Variants in SH3D21 observed in about 807,000 individuals in gnomAD.
SH3D21 encodes the protein manchette microtubule inner protein 1.
SH3D21 carries 83 observed loss-of-function variants against 82.1 expected under a neutral mutation model. The ratio of observed to expected loss-of-function variants is 1.01; its 90% CI spans 0.85 to 1.21. SH3D21 has a LOEUF of 1.21. Among genes scored for constraint, SH3D21 ranks in the 50% most tolerant of loss-of-function variants. The probability of loss-of-function intolerance (pLI) is 0.00; values close to 1 mark genes in which losing one functional copy is unlikely to be tolerated. For missense variants in SH3D21, 980 were observed against 962.1 expected, an observed-to-expected ratio of 1.02 and a Z score of -0.25; for synonymous variants, 383 against 387.8, an observed-to-expected ratio of 0.99 and a Z score of 0.15.
intron 10 of SH3D21, among the ~76,000 whole-genome samples, chr1:36,310,100 G>T (rs1256883359): frequency 6.6e-6 from 1 of 151,778 alleles, no homozygotes; most frequent in Non-Finnish European, 1.5e-5. Flanking sequence ...GACTACAGGC[G>T]CCCGCCACCA....
At chr1:36,329,812 T>C (rs1404531151), downstream of SH3D21, among the ~76,000 whole-genome samples, 2 of 152,096 alleles carry the variant, frequency 1.3e-5, no homozygotes, top group African/African-American at 4.8e-5. Context: ...CAGGGAGTCA[T>C]GGAAATACCT....
Position 36,308,139 on chromosome 1 carries a change from T to C in SH3D21, c.569T>C (p.Phe190Ser), listed in dbSNP as rs1570372800. ...CACCCTGAGGTCTACAGGGTCCTGT[T>C]TGACTACCAGCCTGAGGCCCCAGAC... is the stretch of plus-strand genomic sequence containing the variant. ...VSHPEVYRVL[F>S]DYQPEAPDEL... is the part of the protein sequence containing the mutation. The change falls in exon 8 of 16, where the codon TTT becomes TCT. Residue 190 changes from phenylalanine to serine, a missense_variant. Transcript: ENST00000453908. 6.5e-7 allele frequency: 1 copy of C among 1,549,836 alleles called. No homozygotes were observed. Among genetic ancestry groups the C allele is most frequent in the Non-Finnish European group, 8.7e-7 (1 of 1,146,172 alleles).
At chr1:36,323,195 G>C (rs1385066122), downstream of SH3D21, 1 of 765,626 alleles carries the variant, frequency 1.3e-6, no homozygotes, top group Non-Finnish European at 2.0e-6. Context: ...CCCTAACTTC[G>C]TGGCGGCCCG....
intron 10 of SH3D21, among the ~76,000 whole-genome samples, chr1:36,310,931 C>T (rs1646227296): frequency 6.6e-6 from 1 of 151,826 alleles, no homozygotes; most frequent in Non-Finnish European, 1.5e-5. Flanking sequence ...TTTATGGAGA[C>T]AGAGTCTCTC....
downstream of SH3D21, among the ~76,000 whole-genome samples, chr1:36,329,550 T>A (rs1162402985): frequency 1.3e-5 from 2 of 152,164 alleles, no homozygotes; most frequent in Non-Finnish European, 2.9e-5. Context: ...CCCTTGTAAC[T>A]GCCAGTCATT....
chr1:36,325,600 AGT>A (rs1365886895), downstream of SH3D21, among the ~76,000 whole-genome samples: 1 of 152,090 alleles, frequency 6.6e-6, no homozygotes, highest in Admixed American at 6.5e-5. Flanking sequence ...GCTGGAGTGC[AGT>A]GGCGCGATCT....
chr1:36,321,488 G>C (rs1169275380), downstream of SH3D21: 2 of 893,912 alleles, frequency 2.2e-6, no homozygotes, highest in Non-Finnish European at 2.9e-6. This position sits in a 1 kb window ranked among gnomAD's most constrained non-coding sequence, Gnocchi z 6.1. Flanking sequence ...GCCCGGCCTA[G>C]ATTCCGGAAT....
In SH3D21 at chr1:36,306,639, G is replaced by C. The variant is rs1203813094; in HGVS notation, c.46G>C (p.Glu16Gln). 5 of 1,301,982 alleles carry C rather than the reference G, an allele frequency of 3.8e-6. No homozygotes were observed. The African/African-American group carries it at 7.6e-5, about 20-fold the overall frequency. The allele number at this position is 1,301,982 out of a possible 1,614,324, so 80.7% of individuals were successfully genotyped here. The change falls in exon 2 of 16, where the codon GAG becomes CAG. Residue 16 changes from glutamate to glutamine, a missense_variant. By Grantham distance (29) the Glu-to-Gln change is conservative. Coordinates refer to ENST00000453908, the MANE Select transcript of SH3D21 (RefSeq NM_001162530.2). This position sits in a 1 kb window ranked among gnomAD's most constrained non-coding sequence, Gnocchi z 4.5. ...LAGYRAQKED[E>Q]LSLAPGDVVR... Reference sequence around the variant, plus strand: ...CGGATACCGCGCGCAGAAGGAGGACGAGCTGAGTCTGGCGCCCGGGGACGT... The same window carrying C: ...CGGATACCGCGCGCAGAAGGAGGACCAGCTGAGTCTGGCGCCCGGGGACGT...
intron 10 of SH3D21, among the ~76,000 whole-genome samples, chr1:36,315,644 C>T (rs1043896335): frequency 5.9e-5 from 9 of 152,112 alleles, no homozygotes; most frequent in East Asian, 3.9e-4. Context: ...CCACTGCACC[C>T]GGCCTGTTGG....
At chr1:36,330,161 C>T (rs1646578433), downstream of SH3D21, among the ~76,000 whole-genome samples, 1 of 152,210 alleles carries the variant, frequency 6.6e-6, no homozygotes. Flanking sequence ...AGCCCTGCTG[C>T]AGTCTGTAAG....
chr1:36,322,726 C>T (rs1426112673), downstream of SH3D21: 7 of 1,546,130 alleles, frequency 4.5e-6, no homozygotes. Context: ...TCGGGGTTGG[C>T]TGCGGGGCAC....
rs1646162587 is a variant in SH3D21, at chr1:36,307,943, C to T, written c.518C>T (p.Pro173Leu). 1.3e-6 allele frequency: 2 copies of T among 1,551,612 alleles called. No individual in the cohort carries two copies. Among genetic ancestry groups the T allele is most frequent in the Non-Finnish European group, 1.7e-6 (2 of 1,147,018 alleles). Residue 173 changes from proline to leucine, a missense_variant, in exon 7 of 16, where the codon CCT becomes CTT. Pro to Leu is a moderately conservative substitution (Grantham distance 98). Transcript: ENST00000453908. This position sits in a 1 kb window ranked among gnomAD's most constrained non-coding sequence, Gnocchi z 5.4. ...CTGAGCAGCCTGGCCTATGACAGCC[C>T]TCCAGACTACCTGCAGACAGGTGAG... Reference protein sequence around the residue: ...PKLSSLAYDSPPDYLQTVSHP... With the variant: ...PKLSSLAYDSLPDYLQTVSHP...
downstream of SH3D21, among the ~76,000 whole-genome samples, chr1:36,325,878 A>T (rs948570608): frequency 1.6e-4 from 25 of 152,220 alleles, no homozygotes; most frequent in Non-Finnish European, 2.5e-4. Flanking sequence ...TTAACAATAA[A>T]CAGAACAGAC....
At chr1:36,322,140 C>A (rs1646473464), downstream of SH3D21, 2 of 1,352,284 alleles carry the variant, frequency 1.5e-6, no homozygotes, top group Non-Finnish European at 1.9e-6. Context: ...GGTCTTCTGG[C>A]AGGACTGGGG....
chr1:36,309,679 G>A, intron 10 of SH3D21, 89 bp downstream of exon 10: 2 of 1,446,996 alleles, frequency 1.4e-6, no homozygotes, highest in Admixed American at 4.1e-5. Context: ...CACCCCAGTG[G>A]TCCAGTATGC....
rs763769242 is a variant in SH3D21 at position 36,319,719 on chromosome 1, A to G, written c.1056A>G (p.Arg352=). 6.3e-7 allele frequency: 1 copy of G among 1,595,968 alleles called. No homozygotes were observed. The highest frequency in any genetic ancestry group is 1.1e-5 in the South Asian group (1 of 88,270). ...CGGTAAAGGCCCCCTCTGTGAAGAG[A>G]ACCCCCATGCCGGACAAGACTGCCA... ...SSPVKAPSVK[R]TPMPDKTATP... The change falls in exon 14 of 16, where the codon AGA becomes AGG. Residue 352 remains arginine, a synonymous_variant. Coordinates refer to ENST00000453908, the MANE Select transcript of SH3D21 (RefSeq NM_001162530.2).
At position 36,321,107 on chromosome 1, in the gene SH3D21, A is replaced by T; in HGVS notation, c.2251A>T (p.Thr751Ser). The T allele has an allele frequency of 1.9e-6, 3 of 1,611,682 alleles. No homozygotes were observed. The highest frequency in any genetic ancestry group is 2.5e-6 in the Non-Finnish European group (3 of 1,179,222). Residue 751 changes from threonine (T) to serine (S), a missense_variant, in exon 16 of 16, where the codon ACG becomes TCG. Transcript: ENST00000453908. This position sits in a 1 kb window ranked among gnomAD's most constrained non-coding sequence, Gnocchi z 6.1. Reference sequence around the variant, plus strand: ...GTCCCAGACCCCGCGCGTCATCCACACGCAGACGCAGACCTACTGAGGGTG... The same window carrying T: ...GTCCCAGACCCCGCGCGTCATCCACTCGCAGACGCAGACCTACTGAGGGTG... ...QKSQTPRVIH[T>S]QTQTY
chr1:36,309,505 T>G, intron 9 of SH3D21, 43 bp from the exon 10 acceptor site: 1 of 1,549,524 alleles, frequency 6.5e-7, no homozygotes, highest in Non-Finnish European at 8.7e-7. Context: ...GATTTCTGAT[T>G]TTTAGATTAA....
Position 36,319,085 on chromosome 1 carries a change from C to A in SH3D21, c.784C>A (p.Pro262Thr). The A allele has an allele frequency of 6.5e-7, 1 of 1,549,592 alleles. No homozygotes were observed. The highest frequency in any genetic ancestry group is 1.4e-5 in the African/African-American group (1 of 73,024). ...VSRESAPIKEPKKLMPKTSLP... is the reference protein window; with the variant it reads ...VSRESAPIKETKKLMPKTSLP... The stretch of plus-strand genomic sequence containing the variant: ...TCTCTTCCCAGCTCCTATTAAGGAA[C>A]CAAAAAAGTTGATGCCCAAAACATC... The change falls in exon 11 of 16, where the codon CCA (proline) becomes ACA (threonine). Residue 262 changes from proline to threonine, a missense_variant. Physicochemically the swap from Pro to Thr is conservative, Grantham distance 38 (BLOSUM62 -1). Transcript: ENST00000453908.
Sources: allele counts gnomAD v4.1 joint callset (sites outside exome capture counted in the v4.1 genomes callset), GRCh38; gene constraint gnomAD v4.1.1; non-coding constraint Gnocchi (gnomAD v3.1); transcripts MANE v1.5; gene names NCBI Gene and HGNC (gene_info 2026-07-23, HGNC 2026-07-21).